Variants in FAM200B observed in about 807,000 individuals in gnomAD.
FAM200B encodes zinc finger BED-type containing 11, also known as protein FAM200B.
Under a neutral mutation model 33.1 loss-of-function variants are expected in FAM200B, and 32 were observed. That is an observed-to-expected ratio of 0.97 (90% CI 0.73 to 1.30). FAM200B has a LOEUF of 1.30. FAM200B is among the 50% of genes most tolerant of loss of function. FAM200B has a pLI of 0.00. For synonymous variants in FAM200B, 240 were observed against 264.8 expected, an observed-to-expected ratio of 0.91 and a Z score of 0.91; for missense variants, 741 against 754.0, an observed-to-expected ratio of 0.98 and a Z score of 0.20.
In FAM200B at chr4:15,687,751, G is replaced by A; in HGVS notation, c.774G>A (p.Leu258=). ...AAGATGATTTTTTGGAGGATTTTTT[G>A]TGTTTTTTAAATTTAACCTCACACC... The part of the protein sequence containing the change: ...AWQDDFLEDF[L]CFLNLTSHLS... The change falls in exon 2 of 2, where the codon TTG becomes TTA. Residue 258 remains leucine (L), a synonymous_variant. Coordinates refer to ENST00000422728, the MANE Select transcript of FAM200B (RefSeq NM_001145191.2). 1 of 1,550,282 alleles carries A rather than the reference G, an allele frequency of 6.5e-7. No individual in the cohort carries two copies. Among genetic ancestry groups the A allele is most frequent in the Admixed American group, 2.0e-5 (1 of 50,862 alleles).
the FAM200B span, chr4:15,656,247 C>T: frequency 2.2e-5 from 10 of 456,102 alleles, no homozygotes; most frequent in Non-Finnish European, 4.4e-6. Flanking sequence ...ATGTCTGCCT[C>T]TTTCCCATAA....
chr4:15,668,900 G>A, the FAM200B span, among the ~76,000 whole-genome samples: 2 of 152,140 alleles, frequency 1.3e-5, no homozygotes, highest in Non-Finnish European at 2.9e-5. Context: ...AAACTATCCA[G>A]AGTGACAACA....
At chr4:15,655,677 G>A in the FAM200B span, among the ~76,000 whole-genome samples, 3 of 152,232 alleles carry the variant, frequency 2.0e-5, no homozygotes, top group Non-Finnish European at 4.4e-5. Context: ...GCCCACCACG[G>A]CCTTGAGGAG....
At chr4:15,670,003 T>G in the FAM200B span, among the ~76,000 whole-genome samples, 5 of 152,166 alleles carry the variant, frequency 3.3e-5, no homozygotes, top group East Asian at 5.8e-4. Flanking sequence ...TTGAAAGAAA[T>G]AAAATTAGAG....
the FAM200B span, among the ~76,000 whole-genome samples, chr4:15,646,781 T>C: frequency 2.0e-5 from 3 of 148,802 alleles, no homozygotes; most frequent in Admixed American, 2.0e-4. Flanking sequence ...CCACTATGAG[T>C]GAGAACATGC....
At chr4:15,684,237 C>T (rs1011597319) in intron 1 of FAM200B, among the ~76,000 whole-genome samples, 4 of 152,076 alleles carry the variant, frequency 2.6e-5, no homozygotes, top group African/African-American at 9.7e-5. Context: ...TGATCGTGTT[C>T]GGGTATGAAC....
At chr4:15,640,876 T>C in the FAM200B span, 3 of 1,481,564 alleles carry the variant, frequency 2.0e-6, no homozygotes, top group Non-Finnish European at 2.7e-6. Context: ...TAACTGTTCA[T>C]ATTCATTCTG....
chr4:15,687,843 A>G lies in FAM200B; in HGVS notation c.866A>G (p.Lys289Arg), dbSNP rs546381389. 7 of 1,551,364 alleles carry G rather than the reference A, an allele frequency of 4.5e-6. No homozygotes were observed. The South Asian group carries it at 8.3e-5, about 18-fold the overall frequency. Residue 289 changes from lysine to arginine, a missense_variant, in exon 2 of 2, where the codon AAA becomes AGA. By Grantham distance (26) the Lys-to-Arg change is conservative. Coordinates refer to ENST00000422728, the MANE Select transcript of FAM200B (RefSeq NM_001145191.2). Reference sequence around the variant, plus strand: ...GTTGGCCAATATAAATTAAACTGGAAAAACTGTAAAGGAATTACAAGTGAT... The same window carrying G: ...GTTGGCCAATATAAATTAAACTGGAGAAACTGTAAAGGAATTACAAGTGAT... ...RIVGQYKLNW[K>R]NCKGITSDGT...
In FAM200B at chr4:15,687,415, C is replaced by T. The variant is rs1179905192; in HGVS notation, c.438C>T (p.Ala146=). ...GTTCTACTGCTGTTAGTGAGAAAGC[C>T]TTATTATCATCATATTTAGTTGCAT... ...LSCSTAVSEK[A]LLSSYLVAYR... is the part of the protein sequence containing the mutation. Residue 146 remains alanine, a synonymous_variant, in exon 2 of 2, where the codon GCC becomes GCT. Transcript: ENST00000422728. 6 of 1,549,996 alleles carry T rather than the reference C, an allele frequency of 3.9e-6. No individual in the cohort carries two copies. Among genetic ancestry groups the T allele is most frequent in the Non-Finnish European group, 5.2e-6 (6 of 1,145,944 alleles).
chr4:15,669,155 C>G, the FAM200B span, among the ~76,000 whole-genome samples: 1 of 152,176 alleles, frequency 6.6e-6, no homozygotes, highest in Non-Finnish European at 1.5e-5. Context: ...AAATCTGTCA[C>G]TAGGCCATTG....
At chr4:15,662,619 G>C in the FAM200B span, among the ~76,000 whole-genome samples, 1 of 152,174 alleles carries the variant, frequency 6.6e-6, no homozygotes, top group Admixed American at 6.5e-5. Context: ...TAATTCAAGT[G>C]AGCCTCTCGT....
the FAM200B span, among the ~76,000 whole-genome samples, chr4:15,654,085 TG>T: frequency 8.5e-5 from 13 of 152,312 alleles, no homozygotes; most frequent in African/African-American, 2.9e-4. Flanking sequence ...TTGCTGGTCT[TG>T]AGTGTGGCCT....
At chr4:15,683,996 C>T (rs576244244) in intron 1 of FAM200B, among the ~76,000 whole-genome samples, 2 of 152,234 alleles carry the variant, frequency 1.3e-5, no homozygotes, top group African/African-American at 2.4e-5. Flanking sequence ...GTTAATGCAC[C>T]TTGGTGTATG....
chr4:15,647,466 C>T, the FAM200B span, among the ~76,000 whole-genome samples: 1 of 152,082 alleles, frequency 6.6e-6, no homozygotes, highest in Admixed American at 6.5e-5. Flanking sequence ...TGAAAACAAT[C>T]TCCCACAAAA....
the FAM200B span, among the ~76,000 whole-genome samples, chr4:15,654,226 A>T: frequency 6.6e-6 from 1 of 152,236 alleles, no homozygotes; most frequent in Non-Finnish European, 1.5e-5. Context: ...TTCTATGCTT[A>T]AACAGTAGTC....
At chr4:15,677,599 T>C (rs749096082), upstream of FAM200B, among the ~76,000 whole-genome samples, 1 of 152,170 alleles carries the variant, frequency 6.6e-6, no homozygotes, top group Non-Finnish European at 1.5e-5. Context: ...TGTCTGATCA[T>C]TGGAAGCTCA....
chr4:15,654,765 G>A, the FAM200B span, among the ~76,000 whole-genome samples: 1 of 152,192 alleles, frequency 6.6e-6, no homozygotes, highest in Non-Finnish European at 1.5e-5. Context: ...ACAGGCCCGG[G>A]GGAGTGACGG....
chr4:15,668,080 A>G, the FAM200B span, among the ~76,000 whole-genome samples: 1 of 152,004 alleles, frequency 6.6e-6, no homozygotes, highest in Non-Finnish European at 1.5e-5. Flanking sequence ...TTAACTATCA[A>G]CTTAATCGAA....
In FAM200B at chr4:15,688,785, T is replaced by C. The variant is rs1387245056; in HGVS notation, c.1808T>C (p.Leu603Pro). ...AGTAGAAAGAGTGTCCTGCTATTGC[T>C]ACCATTCACAACAACTAGTTTGTGT... ...LLSRKSVLLL[L>P]PFTTTSLCEL... is the part of the protein sequence containing the mutation. The change falls in exon 2 of 2, where the codon CTA becomes CCA. Residue 603 changes from leucine (L) to proline (P), a missense_variant. Coordinates refer to ENST00000422728, the MANE Select transcript of FAM200B (RefSeq NM_001145191.2). 6.4e-7 allele frequency: 1 copy of C among 1,551,308 alleles called. No homozygotes were observed. The highest frequency in any genetic ancestry group is 1.4e-5 in the African/African-American group (1 of 73,172).
Sources: allele counts gnomAD v4.1 joint callset (sites outside exome capture counted in the v4.1 genomes callset), GRCh38; gene constraint gnomAD v4.1.1; transcripts MANE v1.5; gene names NCBI Gene and HGNC (gene_info 2026-07-23, HGNC 2026-07-21).